Variants in METAP1 observed in about 807,000 individuals in gnomAD.
The protein encoded by METAP1 is methionyl aminopeptidase 1.
Under a neutral mutation model 53.8 loss-of-function variants are expected in METAP1, and 28 were observed. That is an observed-to-expected ratio of 0.52 (90% CI 0.39 to 0.71). METAP1 has a LOEUF of 0.71. METAP1 is among the 30% of genes least tolerant of loss of function. The pLI is 0.00. For missense variants in METAP1, 389 were observed against 479.8 expected (o/e 0.81, Z 1.77); for synonymous variants, 181 against 165.7 (o/e 1.09, Z -0.71).
rs997360137 is a variant in METAP1 at position 99,003,818 on chromosome 4, C to T, written c.114+7951C>T. Among the ~76,000 whole-genome samples, 4 of 152,296 alleles carry T rather than the reference C, an allele frequency of 2.6e-5. No individual in the cohort carries two copies. The South Asian group carries it at 8.3e-4, about 32-fold the overall frequency. On this transcript the variant is annotated intron_variant, in intron 1 of 10. Coordinates refer to ENST00000296411, the MANE Select transcript of METAP1 (RefSeq NM_015143.3). The stretch of plus-strand genomic sequence containing the variant: ...ACCACCAAGCGAGCAATCATTTCTG[C>T]AGTGGACACCAACTGGGTGTCCTTT...
chr4:99,020,049 C>T (rs1320002353), intron 1 of METAP1, among the ~76,000 whole-genome samples: 1 of 152,046 alleles, frequency 6.6e-6, no homozygotes, highest in Admixed American at 6.6e-5. Flanking sequence ...TTGTGGGTCC[C>T]GAGCAGGAAA....
chr4:99,045,739 C>G (rs1200714197), intron 8 of METAP1, among the ~76,000 whole-genome samples: 7 of 152,156 alleles, frequency 4.6e-5, no homozygotes. Context: ...CTAGAGATAT[C>G]CCATTACCGT....
At chr4:99,014,350 C>G (rs750742697) in intron 1 of METAP1, among the ~76,000 whole-genome samples, 5 of 152,214 alleles carry the variant, frequency 3.3e-5, no homozygotes, top group African/African-American at 7.2e-5. Context: ...GCAAACACCA[C>G]CTTTCTCAGC....
intron 1 of METAP1, among the ~76,000 whole-genome samples, chr4:99,020,117 C>A (rs1724002709): frequency 6.6e-6 from 1 of 152,102 alleles, no homozygotes; most frequent in Non-Finnish European, 1.5e-5. Flanking sequence ...CCCAGGCCCC[C>A]ATAGCAGCTC....
chr4:99,046,761 TATTACTC>T (rs1430717730), intron 8 of METAP1, among the ~76,000 whole-genome samples: 1 of 152,048 alleles, frequency 6.6e-6, no homozygotes, highest in Non-Finnish European at 1.5e-5. Flanking sequence ...TTTGAAAACT[TATTACTC>T]ATTGTTGATT....
chr4:99,011,108 G>A (rs1723444750), intron 1 of METAP1, among the ~76,000 whole-genome samples: 1 of 151,956 alleles, frequency 6.6e-6, no homozygotes, highest in East Asian at 1.9e-4. Flanking sequence ...TGTGAACAGA[G>A]ATAATTTTAC....
At chr4:99,011,563 T>A (rs1333712841) in intron 1 of METAP1, among the ~76,000 whole-genome samples, 1 of 152,252 alleles carries the variant, frequency 6.6e-6, no homozygotes. Context: ...TAGTGTTTTG[T>A]TCAAGATTTT....
intron 6 of METAP1, 43 bp from the exon 7 acceptor site, chr4:99,043,206 T>C: frequency 1.4e-6 from 2 of 1,396,438 alleles, no homozygotes; most frequent in Admixed American, 2.6e-5. Flanking sequence ...TTCATACAGA[T>C]TTTTTCTTTT....
chr4:99,025,442 C>G, intron 1 of METAP1: 1 of 985,264 alleles, frequency 1.0e-6, no homozygotes. Context: ...ATTCACAGTA[C>G]TGGAAATAAA....
intron 2 of METAP1, among the ~76,000 whole-genome samples, chr4:99,030,226 C>G (rs543395117): frequency 1.3e-5 from 2 of 152,220 alleles, no homozygotes; most frequent in Non-Finnish European, 2.9e-5. Context: ...CGGCCTCTCC[C>G]TCAGATTTGC....
chr4:99,016,295 C>T (rs562374860), intron 1 of METAP1, among the ~76,000 whole-genome samples: 10 of 152,270 alleles, frequency 6.6e-5, no homozygotes, highest in South Asian at 2.1e-4. Context: ...TGTATCTCTT[C>T]GGGGAGCTGT....
At chr4:99,058,598 A>C (rs1313570812) in intron 10 of METAP1, among the ~76,000 whole-genome samples, 1 of 152,078 alleles carries the variant, frequency 6.6e-6, no homozygotes, top group African/African-American at 2.4e-5. Context: ...AGGCAGTAGC[A>C]GTAGAGCTTG....
At chr4:99,008,196 A>G (rs1279839847) in intron 1 of METAP1, among the ~76,000 whole-genome samples, 1 of 152,216 alleles carries the variant, frequency 6.6e-6, no homozygotes, top group Non-Finnish European at 1.5e-5. Context: ...AAAATGGTAT[A>G]TATTAAGGTG....
intron 1 of METAP1, among the ~76,000 whole-genome samples, chr4:99,007,297 C>T (rs1579241760): frequency 3.9e-5 from 6 of 152,254 alleles, no homozygotes; most frequent in Admixed American, 3.9e-4. Flanking sequence ...ATGTTATCCA[C>T]TTCACATTTC....
chr4:99,003,924 C>T (rs775788578), intron 1 of METAP1, among the ~76,000 whole-genome samples: 11 of 152,178 alleles, frequency 7.2e-5, no homozygotes, highest in Non-Finnish European at 7.4e-5. Flanking sequence ...CTGCCCCTTT[C>T]CCACCCTGTT....
At chr4:98,996,696 T>C (rs1477228744) in intron 1 of METAP1, among the ~76,000 whole-genome samples, 4 of 152,210 alleles carry the variant, frequency 2.6e-5, no homozygotes. Flanking sequence ...GGGTCCAGAC[T>C]GAAGCGTGTG....
chr4:98,996,145 C>T (rs1722612969), intron 1 of METAP1, among the ~76,000 whole-genome samples: 1 of 152,088 alleles, frequency 6.6e-6, no homozygotes, highest in Admixed American at 6.5e-5. Context: ...GGTCGCGTGG[C>T]CGCGCTAGAC....
intron 9 of METAP1, among the ~76,000 whole-genome samples, chr4:99,054,607 G>A (rs1357626280): frequency 6.6e-6 from 1 of 152,170 alleles, no homozygotes; most frequent in Non-Finnish European, 1.5e-5. Context: ...TAACTCTTTG[G>A]AACAAGAGAC....
At chr4:99,049,234 A>C (rs62325200) in intron 9 of METAP1, among the ~76,000 whole-genome samples, 1 of 152,210 alleles carries the variant, frequency 6.6e-6, no homozygotes, top group Admixed American at 6.5e-5. Context: ...TTTTTAACAG[A>C]CAGCTGGAAT....
Sources: gnomAD v4.1 joint callset for allele counts (sites outside exome capture counted in the v4.1 genomes callset) on GRCh38, gnomAD v4.1.1 for gene constraint, MANE v1.5 for transcripts, NCBI Gene and HGNC (gene_info 2026-07-23, HGNC 2026-07-21) for gene names.